The following HOPX variants were observed in gnomAD, a reference collection of about 807,000 sequenced individuals.
HOPX encodes HOP homeobox, also known as homeodomain-only protein.
In HOPX, 5 loss-of-function variants were observed where a neutral mutation model predicts 11.8. The ratio of observed to expected loss-of-function variants is 0.43; its 90% CI spans 0.22 to 0.89. The LOEUF (loss-of-function observed/expected upper bound fraction) is 0.89, where lower values mean the gene tolerates loss of function less well. HOPX is among the 40% of genes least tolerant of loss of function. The pLI is 0.28. For synonymous variants in HOPX, 49 were observed against 49.7 expected (o/e 0.99, Z 0.06); for missense variants, 119 against 120.0 (o/e 0.99, Z 0.04).
chr4:56,662,521 T>C (rs1007368792), intron 1 of HOPX: 2 of 150,942 alleles, frequency 1.3e-5, no homozygotes, highest in Non-Finnish European at 3.0e-5. Context: ...ATTCTGTTGC[T>C]CCGGCTGGAG....
At chr4:56,658,692 C>T (rs185639783) in intron 1 of HOPX, among the ~76,000 whole-genome samples, 13 of 152,298 alleles carry the variant, frequency 8.5e-5, no homozygotes, top group Admixed American at 8.5e-4. Flanking sequence ...AGTAAGAAAA[C>T]AGTTGAGAAG....
intron 1 of HOPX, among the ~76,000 whole-genome samples, chr4:56,670,862 TGGCA>T (rs914075321): frequency 3.9e-5 from 6 of 151,950 alleles, no homozygotes; most frequent in African/African-American, 1.5e-4. Context: ...CCAGGCATGA[TGGCA>T]GGTGCCTGCA....
chr4:56,675,012 C>G (rs979844368), intron 1 of HOPX, among the ~76,000 whole-genome samples: 3 of 151,436 alleles, frequency 2.0e-5, no homozygotes, highest in African/African-American at 7.4e-5. Context: ...AACCACCATG[C>G]CCAGCCAACT....
intron 1 of HOPX, among the ~76,000 whole-genome samples, chr4:56,667,909 C>T (rs527445992): frequency 5.3e-5 from 8 of 152,208 alleles, no homozygotes; most frequent in Non-Finnish European, 8.8e-5. Context: ...TTCTGATGTA[C>T]GCCTGTTGTA....
intron 1 of HOPX, 55 bp downstream of exon 1, chr4:56,681,199 GT>G: frequency 2.0e-6 from 2 of 978,758 alleles, no homozygotes; most frequent in Non-Finnish European, 2.4e-6. Context: ...TTTTGGTCTA[GT>G]TCCTGCACAA....
At chr4:56,650,479 G>A (rs1578322758) in intron 3 of HOPX, 2 of 553,976 alleles carry the variant, frequency 3.6e-6, no homozygotes, top group South Asian at 2.3e-5. Flanking sequence ...AGAAGAAAGT[G>A]TGAGAATCAC....
chr4:56,649,008 T>C, intron 3 of HOPX: 1 of 425,898 alleles, frequency 2.3e-6, no homozygotes, highest in Non-Finnish European at 4.2e-6. Context: ...CTCTCTTTAT[T>C]CTTTATCTGA....
chr4:56,671,333 T>G (rs1350585533), intron 1 of HOPX, among the ~76,000 whole-genome samples: 1 of 152,092 alleles, frequency 6.6e-6, no homozygotes, highest in Non-Finnish European at 1.5e-5. Context: ...GACTGTCTAC[T>G]GCAAGCAGAC....
chr4:56,678,438 A>ATTTTTTTT (rs57921708), intron 1 of HOPX, among the ~76,000 whole-genome samples: 1 of 100,258 alleles, frequency 1.0e-5, no homozygotes, highest in Non-Finnish European at 1.9e-5. Context: ...CTAGTCACTG[A>ATTTTTTTT]TTTTTTTTTT....
chr4:56,676,127 T>C (rs1328750981), intron 1 of HOPX, among the ~76,000 whole-genome samples: 1 of 151,318 alleles, frequency 6.6e-6, no homozygotes, highest in Non-Finnish European at 1.5e-5. Context: ...TGAAACCCTG[T>C]CTCTATCAAA....
At position 56,648,810 on chromosome 4, in the gene HOPX, A is replaced by T. The variant is rs1716893309; in HGVS notation, c.199-13T>A. On this transcript the variant is annotated splice_polypyrimidine_tract_variant and intron_variant, in intron 3 of 3. Coordinates refer to ENST00000420433, the MANE Select transcript of HOPX (RefSeq NM_032495.6). ...GCTTAAACCATTTCTGGAAGAGAGA[A>T]ATGAGAAAAAATATTTGTCACATAC... 6.2e-7 allele frequency: 1 copy of T among 1,601,392 alleles called. No individual in the cohort carries two copies. The highest frequency in any genetic ancestry group is 1.3e-5 in the African/African-American group (1 of 74,798).
chr4:56,679,461 A>G (rs1485662023), intron 1 of HOPX: 1 of 151,020 alleles, frequency 6.6e-6, no homozygotes, highest in Non-Finnish European at 1.5e-5. Flanking sequence ...CCAAGTAACC[A>G]TGGATCTTCT....
At chr4:56,673,573 C>T (rs899428019) in intron 1 of HOPX, among the ~76,000 whole-genome samples, 1 of 152,164 alleles carries the variant, frequency 6.6e-6, no homozygotes, top group African/African-American at 2.4e-5. Flanking sequence ...ATTTTTTCCT[C>T]AAAAGCCAAG....
intron 3 of HOPX, chr4:56,650,840 CT>C: frequency 6.6e-7 from 1 of 1,515,578 alleles, no homozygotes; most frequent in Non-Finnish European, 8.8e-7. Context: ...ACTCATGTAA[CT>C]TTGGCAGCTT....
chr4:56,671,527 G>C (rs1381394697), intron 1 of HOPX, among the ~76,000 whole-genome samples: 2 of 152,020 alleles, frequency 1.3e-5, no homozygotes, highest in Non-Finnish European at 2.9e-5. Context: ...ACCTTGCAGA[G>C]CTCCAAATTA....
chr4:56,669,886 AG>A (rs1353243143), intron 1 of HOPX, among the ~76,000 whole-genome samples: 2 of 152,150 alleles, frequency 1.3e-5, no homozygotes, highest in Non-Finnish European at 2.9e-5. Flanking sequence ...AGGATGCTGG[AG>A]GAAAGAACAA....
chr4:56,673,313 G>T (rs533834529), intron 1 of HOPX, among the ~76,000 whole-genome samples: 1 of 152,216 alleles, frequency 6.6e-6, no homozygotes, highest in South Asian at 2.1e-4. Flanking sequence ...CAGGAGAAAT[G>T]GAATGAGATA....
At chr4:56,673,301 A>G (rs1718835512) in intron 1 of HOPX, among the ~76,000 whole-genome samples, 3 of 152,154 alleles carry the variant, frequency 2.0e-5, no homozygotes, top group South Asian at 4.1e-4. Flanking sequence ...AGAGTGGGAG[A>G]GCAGGAGAAA....
intron 1 of HOPX, chr4:56,680,550 A>C (rs1366899337): frequency 1.3e-5 from 2 of 152,160 alleles, no homozygotes; most frequent in Non-Finnish European, 2.9e-5. Context: ...AGAGCTTCTT[A>C]TCTGAACTAT....
Sources: gnomAD v4.1 joint callset for allele counts (sites outside exome capture counted in the v4.1 genomes callset) on GRCh38, gnomAD v4.1.1 for gene constraint, MANE v1.5 for transcripts, NCBI Gene and HGNC (gene_info 2026-07-23, HGNC 2026-07-21) for gene names.